Variants in SNX24 observed in about 807,000 individuals in gnomAD.
SNX24 encodes the protein sorting nexin-24.
Under a neutral mutation model 28.7 loss-of-function variants are expected in SNX24, and 22 were observed. That is an observed-to-expected ratio of 0.77 (90% CI 0.55 to 1.10). The LOEUF (loss-of-function observed/expected upper bound fraction) is 1.10. Among genes scored for constraint, SNX24 ranks in the 50% least tolerant of loss-of-function variants. The pLI is 0.00. For missense variants in SNX24, 221 were observed against 201.1 expected (o/e 1.10, Z -0.60); for synonymous variants, 69 against 71.5 (o/e 0.96, Z 0.18).
intron 1 of SNX24, among the ~76,000 whole-genome samples, chr5:122,926,868 A>G (rs1354554332): frequency 6.6e-6 from 1 of 152,198 alleles, no homozygotes; most frequent in African/African-American, 2.4e-5. Context: ...AGCCCACTGC[A>G]TGCATGCATT....
At chr5:122,899,277 G>A (rs1402501002) in intron 1 of SNX24, among the ~76,000 whole-genome samples, 2 of 152,192 alleles carry the variant, frequency 1.3e-5, no homozygotes, top group African/African-American at 4.8e-5. Context: ...GGGAGGGTTG[G>A]CATAGGTAGT....
At chr5:122,987,371 C>T (rs1333560062) in intron 3 of SNX24, among the ~76,000 whole-genome samples, 3 of 152,156 alleles carry the variant, frequency 2.0e-5, no homozygotes, top group African/African-American at 7.2e-5. Context: ...TTGGACCAAG[C>T]AAACTGTTTT....
intron 1 of SNX24, among the ~76,000 whole-genome samples, chr5:122,900,673 G>A (rs1198047058): frequency 6.6e-6 from 1 of 152,110 alleles, no homozygotes; most frequent in Non-Finnish European, 1.5e-5. Flanking sequence ...GGAGGCTGAG[G>A]CGGGAGGATT....
rs1762182306 is a variant in SNX24, at chr5:122,999,815, A to T, written c.250-97A>T. 3.9e-6 allele frequency: 3 copies of T among 779,098 alleles called. No homozygotes were observed. The East Asian group carries it at 7.4e-5, about 19-fold the overall frequency. The allele number at this position is 779,098 out of a possible 1,614,324, so 48.3% of individuals were successfully genotyped here. On this transcript the variant is annotated intron_variant, in intron 3 of 6. Transcript: ENST00000261369. Reference sequence around the variant, plus strand: ...ACTGTGAGGAATGTTGCTGGTAAGAACTTTGATGGACGGTTATGACTTTTT... The same window carrying T: ...ACTGTGAGGAATGTTGCTGGTAAGATCTTTGATGGACGGTTATGACTTTTT...
In SNX24 at chr5:122,984,334, A is replaced by G. The variant is rs542203749; in HGVS notation, c.250-15578A>G. Among the ~76,000 whole-genome samples the G allele has an allele frequency of 1.1e-4, 16 of 152,336 alleles. No individual in the cohort carries two copies. In the South Asian group the frequency reaches 2.7e-3, roughly 26 times the overall value. On this transcript the variant is annotated intron_variant, in intron 3 of 6. Transcript: ENST00000261369. ...ATTTTATACTTTTAAACTTCAATCTATCAGATTGATCCTTCTTTTTTCTTT... is the reference window on the plus strand; with the variant it reads ...ATTTTATACTTTTAAACTTCAATCTGTCAGATTGATCCTTCTTTTTTCTTT...
chr5:122,871,634 G>A (rs1755985131), intron 1 of SNX24, among the ~76,000 whole-genome samples: 1 of 152,154 alleles, frequency 6.6e-6, no homozygotes, highest in African/African-American at 2.4e-5. Context: ...GCCGGGTGTG[G>A]TGACATGCGC....
intron 1 of SNX24, among the ~76,000 whole-genome samples, chr5:122,891,533 A>T (rs927251273): frequency 6.6e-6 from 1 of 152,262 alleles, no homozygotes; most frequent in African/African-American, 2.4e-5. Context: ...AGTAAATTGC[A>T]ATTTTTTATA....
chr5:122,849,069 T>A (rs1754781380), intron 1 of SNX24, among the ~76,000 whole-genome samples: 1 of 152,166 alleles, frequency 6.6e-6, no homozygotes, highest in African/African-American at 2.4e-5. Context: ...GGCCAGGAAA[T>A]CCTTGGACAT....
chr5:123,024,735 A>G (rs1652405301), intron 5 of SNX24, among the ~76,000 whole-genome samples: 1 of 152,254 alleles, frequency 6.6e-6, no homozygotes, highest in South Asian at 2.1e-4. Context: ...GTAGTTGTGA[A>G]GGAACTGCAG....
At chr5:122,856,290 A>G (rs768605570) in intron 1 of SNX24, among the ~76,000 whole-genome samples, 2 of 152,280 alleles carry the variant, frequency 1.3e-5, no homozygotes, top group Non-Finnish European at 2.9e-5. Flanking sequence ...ATGTTGCCAC[A>G]AAGGACATGA....
At chr5:122,899,986 G>T (rs940791449) in intron 1 of SNX24, among the ~76,000 whole-genome samples, 1 of 151,904 alleles carries the variant, frequency 6.6e-6, no homozygotes, top group Non-Finnish European at 1.5e-5. Flanking sequence ...AATAAATATT[G>T]TGTGTATTTA....
In SNX24 at chr5:122,901,769, GAGATGCCTGGT is replaced by G. The variant is rs1275864859; in HGVS notation, c.61-34953_61-34943del. Among the ~76,000 whole-genome samples the G allele has an allele frequency of 2.0e-5, 3 of 152,280 alleles. No homozygotes were observed. The East Asian group carries it at 5.8e-4, about 29-fold the overall frequency. On this transcript the variant is annotated intron_variant, in intron 1 of 6. Coordinates refer to ENST00000261369, the MANE Select transcript of SNX24 (RefSeq NM_014035.4). ...TGACCTTGGACATGGGGTAATACCA[GAGATGCCTGGT>G]AGATGCCTGGTCCTAGGGTCCTCCT...
chr5:122,984,559 A>G (rs950734263), intron 3 of SNX24, among the ~76,000 whole-genome samples: 1 of 152,194 alleles, frequency 6.6e-6, no homozygotes, highest in African/African-American at 2.4e-5. Context: ...ACTCTGACCC[A>G]AAAACCCTCA....
intron 1 of SNX24, among the ~76,000 whole-genome samples, chr5:122,855,640 C>T (rs1264081397): frequency 3.3e-5 from 5 of 152,152 alleles, no homozygotes; most frequent in African/African-American, 1.2e-4. Context: ...GCAATCAACC[C>T]TGTCAAATGC....
chr5:123,012,248 C>A (rs1190607384), downstream of SNX24, among the ~76,000 whole-genome samples: 1 of 152,148 alleles, frequency 6.6e-6, no homozygotes, highest in Non-Finnish European at 1.5e-5. Flanking sequence ...TGAGAACGGA[C>A]TAATACATAT....
Position 123,009,145 on chromosome 5 carries a change from T to A in SNX24, c.*1396T>A. 1.0e-6 allele frequency: 1 copy of A among 984,962 alleles called. No homozygotes were observed. Among genetic ancestry groups the A allele is most frequent in the Non-Finnish European group, 1.2e-6 (1 of 829,104 alleles). The allele number at this position is 984,962 out of a possible 1,614,324, so 61.0% of individuals were successfully genotyped here. ...AAAGTAATAGTTGGGTATTGGAGAT[T>A]TTTTTAAAATGTTTTTATGTTATTA... On this transcript the variant is annotated 3_prime_UTR_variant, in exon 7 of 7. Coordinates refer to ENST00000261369, the MANE Select transcript of SNX24 (RefSeq NM_014035.4).
chr5:122,973,654 A>G (rs1038236531), intron 3 of SNX24, among the ~76,000 whole-genome samples: 3 of 152,164 alleles, frequency 2.0e-5, no homozygotes, highest in African/African-American at 7.2e-5. Context: ...AATGGTGAAA[A>G]GCTGCTGTGC....
intron 3 of SNX24, among the ~76,000 whole-genome samples, chr5:122,987,915 A>T (rs192255198): frequency 6.6e-6 from 1 of 152,354 alleles, no homozygotes; most frequent in East Asian, 1.9e-4. Context: ...AGGAAGTTAC[A>T]ACACAAGTGG....
chr5:122,884,949 A>T (rs1445440514), intron 1 of SNX24, among the ~76,000 whole-genome samples: 1 of 152,236 alleles, frequency 6.6e-6, no homozygotes, highest in Non-Finnish European at 1.5e-5. Flanking sequence ...CATTGTACCA[A>T]ATTGGCACGT....
Sources: gnomAD v4.1 joint callset for allele counts (sites outside exome capture counted in the v4.1 genomes callset) on GRCh38, gnomAD v4.1.1 for gene constraint, MANE v1.5 for transcripts, NCBI Gene and HGNC (gene_info 2026-07-23, HGNC 2026-07-21) for gene names.